Variants in KIF5C observed in about 807,000 individuals in gnomAD.
The protein encoded by KIF5C is kinesin heavy chain isoform 5C.
In KIF5C, 18 loss-of-function variants were observed where a neutral mutation model predicts 125.2. The ratio of observed to expected loss-of-function variants is 0.14; its 90% CI spans 0.10 to 0.21. KIF5C has a LOEUF of 0.21. Ranked by LOEUF, KIF5C falls within the 10% of genes least tolerant of loss-of-function variation. KIF5C has a pLI of 1.00. For synonymous variants in KIF5C, 405 were observed against 434.0 expected, an observed-to-expected ratio of 0.93 and a Z score of 0.83; for missense variants, 780 against 1,183.8, an observed-to-expected ratio of 0.66 and a Z score of 5.01.
intron 1 of KIF5C, among the ~76,000 whole-genome samples, chr2:148,917,746 T>G (rs1681619844): frequency 6.6e-6 from 1 of 152,134 alleles, no homozygotes; most frequent in Admixed American, 6.5e-5. Context: ...TTCCACAGAG[T>G]GAGTTTAAAT....
At position 149,010,262 on chromosome 2, in the gene KIF5C, A is replaced by G; in HGVS notation, c.2678A>G (p.Asp893Gly). 6.3e-7 allele frequency: 1 copy of G among 1,593,106 alleles called. No individual in the cohort carries two copies. Among genetic ancestry groups the G allele is most frequent in the Non-Finnish European group, 8.5e-7 (1 of 1,170,198 alleles). The change falls in exon 24 of 26, where the codon GAC becomes GGC. Residue 893 changes from aspartate (D) to glycine (G), a missense_variant. Physicochemically the swap from Asp to Gly is moderately conservative, Grantham distance 94. Transcript: ENST00000435030. ...GAGGCCAAGGAGAACGCCATGCGGG[A>G]CCGTAAGCGCTACCAGCAGGAGGTG... ...LKEAKENAMR[D>G]RKRYQQEVDR...
At chr2:148,943,909 A>G (rs9711454) in intron 7 of KIF5C, among the ~76,000 whole-genome samples, 22,239 of 152,176 alleles carry the variant, frequency 0.15, 2,325 homozygotes, top group African/African-American at 0.29. Flanking sequence ...CCTGGATGAA[A>G]TGTTGGTCAA....
intron 11 of KIF5C, among the ~76,000 whole-genome samples, chr2:148,964,496 G>A (rs542126105): frequency 4.6e-5 from 7 of 152,240 alleles, no homozygotes; most frequent in East Asian, 1.9e-4. Flanking sequence ...CCCTCAGGAC[G>A]GTCTGAGCGG....
intron 21 of KIF5C, among the ~76,000 whole-genome samples, chr2:149,002,738 C>T (rs914525091): frequency 2.0e-5 from 3 of 152,202 alleles, no homozygotes; most frequent in African/African-American, 7.2e-5. Context: ...ACCCGTCACT[C>T]ATACACTCAT....
intron 12 of KIF5C, among the ~76,000 whole-genome samples, chr2:148,977,624 G>A (rs1681112131): frequency 6.6e-6 from 1 of 152,156 alleles, no homozygotes; most frequent in Non-Finnish European, 1.5e-5. Context: ...CAGGAAAATA[G>A]AACCATTAAA....
rs966833911 is a variant in KIF5C, at chr2:148,994,422, A to G, written c.1907A>G (p.His636Arg). ...CTCTTCCTTTTTGCTTGTTTAAAGC[A>G]CGAAGCCAAGATCAAGTCTCTGACA... ...LAACQLLISQ[H>R]EAKIKSLTDY... Residue 636 changes from histidine (H) to arginine (R), a missense_variant and splice_region_variant, in exon 17 of 26, where the codon CAC (histidine) becomes CGC (arginine). Physicochemically the swap from His to Arg is conservative, Grantham distance 29. This residue lies in a region of KIF5C where 573 missense variants were observed against 742.6 expected (regional missense o/e 0.77). Transcript: ENST00000435030. The G allele has an allele frequency of 1.3e-5, 20 of 1,559,058 alleles. No homozygotes were observed. Among genetic ancestry groups the G allele is most frequent in the Non-Finnish European group, 1.7e-5 (20 of 1,151,578 alleles).
intron 15 of KIF5C, 63 bp from the exon 16 acceptor site, chr2:148,990,947 A>C (rs1681507833): frequency 6.6e-7 from 1 of 1,526,678 alleles, no homozygotes; most frequent in African/African-American, 1.4e-5. Flanking sequence ...GCAGGTTTCC[A>C]GGGAGTCCGT....
chr2:148,903,448 T>G (rs1332811615), intron 1 of KIF5C, among the ~76,000 whole-genome samples: 1 of 152,138 alleles, frequency 6.6e-6, no homozygotes, highest in Non-Finnish European at 1.5e-5. Context: ...TGGCAGACAT[T>G]GGAGACACCC....
chr2:148,926,346 A>G (rs887169070), intron 2 of KIF5C, among the ~76,000 whole-genome samples: 2 of 152,192 alleles, frequency 1.3e-5, no homozygotes, highest in Non-Finnish European at 2.9e-5. Flanking sequence ...GCGGCGGGCT[A>G]TGCTGTACCA....
chr2:148,992,876 A>C (rs1170377857), intron 16 of KIF5C, among the ~76,000 whole-genome samples: 1 of 152,248 alleles, frequency 6.6e-6, no homozygotes, highest in African/African-American at 2.4e-5. Context: ...CATCTATGAT[A>C]CCAAAAGCAT....
intron 8 of KIF5C, among the ~76,000 whole-genome samples, chr2:148,948,167 G>A (rs1388856227): frequency 1.3e-5 from 2 of 150,274 alleles, no homozygotes; most frequent in Non-Finnish European, 3.0e-5. Flanking sequence ...CTAACATGGT[G>A]AAACCGTGTC....
intron 3 of KIF5C, among the ~76,000 whole-genome samples, chr2:148,929,715 G>A (rs569961946): frequency 5.3e-5 from 8 of 152,138 alleles, no homozygotes; most frequent in Non-Finnish European, 1.0e-4. Flanking sequence ...GGGGAGGTTC[G>A]TCTCTTAGAA....
intron 1 of KIF5C, among the ~76,000 whole-genome samples, chr2:148,892,542 T>C (rs1681739351): frequency 6.6e-6 from 1 of 152,248 alleles, no homozygotes. Flanking sequence ...TCTCAAATTA[T>C]GTATGAAGTC....
At chr2:148,981,290 TACAG>T in intron 13 of KIF5C, 61 bp from the exon 14 acceptor site, 2 of 1,479,566 alleles carry the variant, frequency 1.4e-6, no homozygotes, top group East Asian at 4.9e-5. Context: ...TACTTTTGGA[TACAG>T]CATAGAACAT....
intron 1 of KIF5C, among the ~76,000 whole-genome samples, chr2:148,918,827 A>G (rs1681664329): frequency 6.6e-6 from 1 of 152,218 alleles, no homozygotes; most frequent in Admixed American, 6.5e-5. Context: ...GCTAAGTGGA[A>G]ATTTGATAGT....
chr2:148,930,709 C>T (rs144894254), intron 3 of KIF5C, among the ~76,000 whole-genome samples: 113 of 152,298 alleles, frequency 7.4e-4, no homozygotes, highest in African/African-American at 2.7e-3. Flanking sequence ...GCGGTGTTGA[C>T]TCTCTTTCAC....
chr2:148,972,631 G>A (rs186176647), intron 11 of KIF5C, among the ~76,000 whole-genome samples: 1 of 152,320 alleles, frequency 6.6e-6, no homozygotes, highest in African/African-American at 2.4e-5. Context: ...GAAGTTGTAG[G>A]TAGGATCTCT....
chr2:148,937,392 C>G lies in KIF5C; in HGVS notation c.396+4C>G, dbSNP rs550581047. The G allele has an allele frequency of 1.9e-6, 3 of 1,578,786 alleles. No individual in the cohort carries two copies. The highest frequency in any genetic ancestry group is 2.6e-6 in the Non-Finnish European group (3 of 1,160,906). The stretch of plus-strand genomic sequence containing the variant: ...GAACCTGGAGTTTCACATAAAGGTA[C>G]GTATTACTGATTGGTCCCCAGAGAA... On this transcript the variant is annotated splice_donor_region_variant and intron_variant, in intron 4 of 25. Coordinates refer to ENST00000435030, the MANE Select transcript of KIF5C (RefSeq NM_004522.3).
intron 11 of KIF5C, among the ~76,000 whole-genome samples, chr2:148,968,396 C>G (rs1183708389): frequency 6.6e-6 from 1 of 152,172 alleles, no homozygotes; most frequent in Non-Finnish European, 1.5e-5. Flanking sequence ...AACTTTGGGA[C>G]CACCACAATT....
Sources: allele counts gnomAD v4.1 joint callset (sites outside exome capture counted in the v4.1 genomes callset), GRCh38; gene constraint gnomAD v4.1.1; regional missense constraint gnomAD v4.1.1; transcripts MANE v1.5; gene names NCBI Gene and HGNC (gene_info 2026-07-23, HGNC 2026-07-21).